PPARGC1A: variants seen among roughly 807,000 people sequenced by gnomAD.
PPARGC1A encodes the protein PPARG coactivator 1 alpha, also known as peroxisome proliferator-activated receptor gamma coactivator 1-alpha.
In PPARGC1A, 25 loss-of-function variants were observed where a neutral mutation model predicts 88.7. The observed-to-expected ratio is 0.28, with a 90% confidence interval of 0.21 to 0.39. PPARGC1A has a LOEUF of 0.39. Among genes scored for constraint, PPARGC1A ranks in the 10% least tolerant of loss-of-function variants. PPARGC1A has a pLI of 1.00. For synonymous variants in PPARGC1A, 363 were observed against 355.6 expected (o/e 1.02, Z -0.24); for missense variants, 880 against 968.7 (o/e 0.91, Z 1.22).
At chr4:23,972,125 C>T in the PPARGC1A span, among the ~76,000 whole-genome samples, 8 of 152,214 alleles carry the variant, frequency 5.3e-5, no homozygotes, top group East Asian at 1.4e-3. Context: ...AATAAAGGCA[C>T]TGACATTTAA....
the PPARGC1A span, among the ~76,000 whole-genome samples, chr4:24,459,645 C>T: frequency 6.6e-6 from 1 of 152,048 alleles, no homozygotes; most frequent in Admixed American, 6.6e-5. Flanking sequence ...CAAAAATTAG[C>T]CAGGCATGGT....
chr4:24,180,033 C>T, the PPARGC1A span, among the ~76,000 whole-genome samples: 1 of 152,136 alleles, frequency 6.6e-6, no homozygotes, highest in Non-Finnish European at 1.5e-5. Context: ...TGCTTTTCTT[C>T]TATTCATTAA....
At chr4:24,368,182 A>T in the PPARGC1A span, among the ~76,000 whole-genome samples, 5 of 152,190 alleles carry the variant, frequency 3.3e-5, no homozygotes, top group African/African-American at 7.2e-5. Flanking sequence ...AACTGGGTCA[A>T]ATGTGAACTG....
the PPARGC1A span, among the ~76,000 whole-genome samples, chr4:24,038,409 C>T: frequency 6.6e-6 from 1 of 152,268 alleles, no homozygotes; most frequent in Non-Finnish European, 1.5e-5. Context: ...TCCTCCATAA[C>T]TTGGGTACCC....
At chr4:24,216,340 G>T in the PPARGC1A span, among the ~76,000 whole-genome samples, 8 of 151,974 alleles carry the variant, frequency 5.3e-5, no homozygotes, top group East Asian at 1.4e-3. Context: ...TAGAGACAGG[G>T]TTTCACCATG....
chr4:24,027,977 AAATAGGTCATATT>A, the PPARGC1A span, among the ~76,000 whole-genome samples: 1 of 152,190 alleles, frequency 6.6e-6, no homozygotes, highest in South Asian at 2.1e-4. Context: ...CTACGCTCTG[AAATAGGTCATATT>A]ATTATCATCC....
chr4:23,896,577 T>C (rs1032119373), intron 1 of PPARGC1A, among the ~76,000 whole-genome samples: 11 of 152,160 alleles, frequency 7.2e-5, no homozygotes, highest in African/African-American at 2.7e-4. Context: ...TATCAGCTAC[T>C]ATCAGCTTGC....
chr4:24,436,793 G>A, the PPARGC1A span, among the ~76,000 whole-genome samples: 6 of 141,558 alleles, frequency 4.2e-5, no homozygotes, highest in African/African-American at 1.4e-4. Context: ...TCACAGAGCT[G>A]ACATCGGTTG....
At chr4:23,811,171 G>A (rs1253714398) in intron 10 of PPARGC1A, among the ~76,000 whole-genome samples, 1 of 152,170 alleles carries the variant, frequency 6.6e-6, no homozygotes, top group Non-Finnish European at 1.5e-5. Flanking sequence ...TGCCTGTGTT[G>A]AACAAATCTC....
rs56913616 is a variant in PPARGC1A, at chr4:23,806,366, G to A, written c.2020-4021C>T. 5.3e-3 allele frequency among the ~76,000 whole-genome samples: 802 copies of A among 152,294 alleles called. 5 individuals carry two copies. The highest frequency in any genetic ancestry group is 0.02 in the Middle Eastern group (6 of 294). On this transcript the variant is annotated intron_variant, in intron 10 of 12. Coordinates refer to ENST00000264867, the MANE Select transcript of PPARGC1A (RefSeq NM_013261.5). ...AAACATGTTGCAGTTGTATTAGACA[G>A]ATGAATAGATTTCATATCTTTAAAA...
In PPARGC1A at chr4:23,820,103, A is replaced by G. The variant is rs192151759; in HGVS notation, c.877+4177T>C. ...TAAAAGTGGTAGTTACAAATTGGTTAATGAGTATTTTGTTGTTGTTTATTT... is the reference window on the plus strand; with the variant it reads ...TAAAAGTGGTAGTTACAAATTGGTTGATGAGTATTTTGTTGTTGTTTATTT... On this transcript the variant is annotated intron_variant, in intron 7 of 12. Transcript: ENST00000264867. 3.9e-5 allele frequency among the ~76,000 whole-genome samples: 6 copies of G among 152,322 alleles called. No individual in the cohort carries two copies. The East Asian group carries it at 1.2e-3, about 29-fold the overall frequency.
chr4:23,978,607 G>C, the PPARGC1A span, among the ~76,000 whole-genome samples: 1 of 152,144 alleles, frequency 6.6e-6, no homozygotes, highest in Non-Finnish European at 1.5e-5. Context: ...ACTCAAATCA[G>C]CAGCAAAACT....
the PPARGC1A span, among the ~76,000 whole-genome samples, chr4:24,076,938 T>C: frequency 6.6e-6 from 1 of 152,116 alleles, no homozygotes; most frequent in African/African-American, 2.4e-5. Flanking sequence ...GTCATTAAAT[T>C]TTCTTTCTTA....
the PPARGC1A span, among the ~76,000 whole-genome samples, chr4:24,194,859 C>T: frequency 1.3e-5 from 2 of 152,084 alleles, no homozygotes; most frequent in Non-Finnish European, 2.9e-5. Context: ...AAATATCAAC[C>T]AACCAAAATC....
chr4:24,020,835 T>C, the PPARGC1A span, among the ~76,000 whole-genome samples: 2 of 152,194 alleles, frequency 1.3e-5, no homozygotes, highest in Non-Finnish European at 1.5e-5. Flanking sequence ...TGAGCATCAG[T>C]ACTTTGTACT....
chr4:24,395,018 A>G, the PPARGC1A span, among the ~76,000 whole-genome samples: 1 of 152,236 alleles, frequency 6.6e-6, no homozygotes. Flanking sequence ...CTCTTGAGAT[A>G]AGACAACATA....
At chr4:24,432,640 A>G in the PPARGC1A span, among the ~76,000 whole-genome samples, 1 of 152,216 alleles carries the variant, frequency 6.6e-6, no homozygotes, top group Non-Finnish European at 1.5e-5. Context: ...TTCTCTGCCC[A>G]TAAGCACAGT....
chr4:23,914,189 T>A, the PPARGC1A span, among the ~76,000 whole-genome samples: 6 of 152,230 alleles, frequency 3.9e-5, no homozygotes, highest in Admixed American at 3.3e-4. Context: ...GGTTAAATTT[T>A]ATTGAGTGCT....
the PPARGC1A span, among the ~76,000 whole-genome samples, chr4:23,969,765 T>C: frequency 2.6e-5 from 4 of 152,174 alleles, no homozygotes; most frequent in African/African-American, 9.6e-5. Flanking sequence ...GGGTCACTCA[T>C]TGAACCCACA....
Sources: allele counts gnomAD v4.1 joint callset (sites outside exome capture counted in the v4.1 genomes callset), GRCh38; gene constraint gnomAD v4.1.1; transcripts MANE v1.5; gene names NCBI Gene and HGNC (gene_info 2026-07-23, HGNC 2026-07-21).